NOMO1: variants seen among roughly 807,000 people sequenced by gnomAD.
NOMO1 encodes NODAL modulator 1.
In NOMO1, 40 loss-of-function variants were observed where a neutral mutation model predicts 133.8. The observed-to-expected ratio is 0.30, with a 90% confidence interval of 0.23 to 0.39. The LOEUF (loss-of-function observed/expected upper bound fraction) is 0.39. NOMO1 is among the 10% of genes least tolerant of loss of function. The probability of loss-of-function intolerance (pLI) is 1.00; values close to 1 mark genes in which losing one functional copy is unlikely to be tolerated. For synonymous variants in NOMO1, 236 were observed against 570.5 expected, an observed-to-expected ratio of 0.41 and a Z score of 8.36; for missense variants, 462 against 1,419.9, an observed-to-expected ratio of 0.33 and a Z score of 10.84.
At chr16:14,859,550 C>T (rs1483421988) in intron 11 of NOMO1, among the ~76,000 whole-genome samples, 1 of 151,950 alleles carries the variant, frequency 6.6e-6, no homozygotes, top group Non-Finnish European at 1.5e-5. Flanking sequence ...ATGCCTCACA[C>T]CTGTAATCCA....
chr16:14,873,634 A>C (rs1347553491), intron 18 of NOMO1, among the ~76,000 whole-genome samples: 1 of 151,138 alleles, frequency 6.6e-6, no homozygotes. Flanking sequence ...TACTGATAGG[A>C]CTAGCAATCT....
intron 27 of NOMO1, among the ~76,000 whole-genome samples, 187 bp downstream of exon 27, chr16:14,884,669 A>G (rs1261000759): frequency 6.6e-6 from 1 of 151,858 alleles, no homozygotes; most frequent in Non-Finnish European, 1.5e-5. Flanking sequence ...CGTATTTGGG[A>G]GAGTGATTGC....
rs543892948 is a variant in NOMO1, at chr16:14,856,864, T to C, written c.964-353T>C. ...TGATGCCGGGGTGTGCATGGGAGACTGGAGGAAGACGTGGTTCACCAAAAT... is the reference window on the plus strand; with the variant it reads ...TGATGCCGGGGTGTGCATGGGAGACCGGAGGAAGACGTGGTTCACCAAAAT... On this transcript the variant is annotated intron_variant, in intron 9 of 30. Transcript: ENST00000287667. Among the ~76,000 whole-genome samples, 18 of 151,286 alleles carry C rather than the reference T, an allele frequency of 1.2e-4. No individual in the cohort carries two copies. In the East Asian group the frequency reaches 3.3e-3, roughly 28 times the overall value.
intron 11 of NOMO1, among the ~76,000 whole-genome samples, chr16:14,858,631 A>G (rs578202798): frequency 3.7e-4 from 56 of 152,234 alleles, no homozygotes; most frequent in Non-Finnish European, 7.1e-4. Context: ...ATATACTGGC[A>G]GGTGAAGGTG....
intron 6 of NOMO1, among the ~76,000 whole-genome samples, chr16:14,850,498 T>C (rs1444406497): frequency 1.3e-5 from 2 of 150,690 alleles, no homozygotes; most frequent in Non-Finnish European, 2.9e-5. Context: ...AAAAAGGAAC[T>C]CCACCTAGTA....
chr16:14,859,617 C>A (rs1381548967), intron 11 of NOMO1, among the ~76,000 whole-genome samples: 1 of 151,894 alleles, frequency 6.6e-6, no homozygotes, highest in Non-Finnish European at 1.5e-5. Context: ...GAGTTTGAGA[C>A]CAGCCTGGGC....
At position 14,852,500 on chromosome 16, in the gene NOMO1, ATG is replaced by A. The variant is rs1197428167; in HGVS notation, c.657_658del (p.Ser220TrpfsTer6). 6.5e-7 allele frequency: 1 copy of A among 1,533,722 alleles called. No homozygotes were observed. The highest frequency in any genetic ancestry group is 2.0e-5 in the Admixed American group (1 of 49,686). On this transcript the variant is annotated frameshift_variant, in exon 7 of 31. Transcript: ENST00000287667. LOFTEE classifies it high-confidence loss of function. ...AGTCCCCTCATAGTTGCTGGCTACA[ATG>A]TGTCTGGCTCTGTCCGAAGTGATGG...
intron 5 of NOMO1, chr16:14,848,518 T>TG: frequency 3.8e-6 from 1 of 265,870 alleles, no homozygotes; most frequent in Non-Finnish European, 7.3e-6. Flanking sequence ...TGTGTTTCCT[T>TG]GGACACTTCT....
chr16:14,874,569 A>G (rs1210332621), intron 18 of NOMO1, among the ~76,000 whole-genome samples: 24 of 151,644 alleles, frequency 1.6e-4, no homozygotes, highest in Admixed American at 1.6e-3. Context: ...ATTTTTCTTT[A>G]TTGCACTTTT....
chr16:14,836,697 T>A (rs1263982332), intron 1 of NOMO1, among the ~76,000 whole-genome samples: 3 of 143,470 alleles, frequency 2.1e-5, no homozygotes, highest in African/African-American at 7.9e-5. Context: ...CATTTTACTT[T>A]TTTTTTTTTT....
chr16:14,886,716 T>G (rs769450299), intron 27 of NOMO1, 45 bp from the exon 28 acceptor site: 1 of 1,610,422 alleles, frequency 6.2e-7, no homozygotes, highest in South Asian at 1.1e-5. Context: ...AAATATTGAT[T>G]GTGTTTCAGT....
chr16:14,880,802 C>T (rs1964231695), intron 24 of NOMO1, among the ~76,000 whole-genome samples: 2 of 151,458 alleles, frequency 1.3e-5, no homozygotes, highest in South Asian at 2.1e-4. Context: ...CCCTCTGTCT[C>T]GTCTCCTAGC....
intron 1 of NOMO1, among the ~76,000 whole-genome samples, chr16:14,834,682 T>C (rs2151890200): frequency 7.9e-6 from 1 of 126,660 alleles, no homozygotes; most frequent in East Asian, 2.9e-4. Context: ...AGATTTGTGC[T>C]GAAGGTTTTT....
chr16:14,836,887 A>G (rs1393388771), intron 1 of NOMO1, among the ~76,000 whole-genome samples: 16 of 150,740 alleles, frequency 1.1e-4, no homozygotes, highest in Admixed American at 2.0e-4. Context: ...TTGTATTTTT[A>G]GTAGAGACGG....
At chr16:14,836,792 G>A (rs1335219284) in intron 1 of NOMO1, among the ~76,000 whole-genome samples, 1 of 142,750 alleles carries the variant, frequency 7.0e-6, no homozygotes, top group Non-Finnish European at 1.5e-5. Flanking sequence ...TGCAAGCTCC[G>A]CTTCCCGGGT....
rs561360416 is a variant in NOMO1, at chr16:14,840,720, G to A, written c.256-642G>A. On this transcript the variant is annotated intron_variant, in intron 2 of 30. Coordinates refer to ENST00000287667, the MANE Select transcript of NOMO1 (RefSeq NM_014287.4). ...TCCGCTGCCCATGCTGGAGTGCAGGGGCACAATTATGGTTCACTGCAGCAC... is the reference window on the plus strand; with the variant it reads ...TCCGCTGCCCATGCTGGAGTGCAGGAGCACAATTATGGTTCACTGCAGCAC... Among the ~76,000 whole-genome samples the A allele has an allele frequency of 3.4e-4, 50 of 148,728 alleles. No homozygotes were observed. The South Asian group carries it at 9.8e-3, about 29-fold the overall frequency.
intron 11 of NOMO1, 55 bp downstream of exon 11, chr16:14,857,710 A>G (rs936379583): frequency 2.7e-5 from 43 of 1,611,290 alleles, no homozygotes; most frequent in Non-Finnish European, 3.3e-5. Flanking sequence ...CAGCCAGTGT[A>G]GAACCGAATG....
At chr16:14,875,820 A>T (rs1409714111) in intron 20 of NOMO1, among the ~76,000 whole-genome samples, 1 of 151,742 alleles carries the variant, frequency 6.6e-6, no homozygotes, top group Non-Finnish European at 1.5e-5. Context: ...GCAGAGCATG[A>T]TGGGAGGGTC....
At chr16:14,848,047 G>C (rs1322312428) in intron 5 of NOMO1, among the ~76,000 whole-genome samples, 2 of 152,094 alleles carry the variant, frequency 1.3e-5, no homozygotes, top group African/African-American at 2.4e-5. Context: ...TGAAATAGAA[G>C]CTCAATCTTA....
Sources: allele counts gnomAD v4.1 joint callset (sites outside exome capture counted in the v4.1 genomes callset), GRCh38; gene constraint gnomAD v4.1.1; transcripts MANE v1.5; gene names NCBI Gene and HGNC (gene_info 2026-07-23, HGNC 2026-07-21).